Variants in NCOA3 observed in about 807,000 individuals in gnomAD.
The protein encoded by NCOA3 is nuclear receptor coactivator 3.
A neutral mutation model predicts 158.8 loss-of-function variants in NCOA3; 51 were observed. That is an observed-to-expected ratio of 0.32 (90% confidence interval 0.26 to 0.41). The LOEUF (loss-of-function observed/expected upper bound fraction) is 0.41. NCOA3 is among the 10% of genes least tolerant of loss of function. The pLI, the probability that NCOA3 is intolerant of heterozygous loss-of-function variation, is 1.00. For missense variants in NCOA3, 1,510 were observed against 1,746.6 expected, an observed-to-expected ratio of 0.86 and a Z score of 2.41; for synonymous variants, 537 against 592.4, an observed-to-expected ratio of 0.91 and a Z score of 1.36.
At chr20:47,601,228 C>T (rs1490755432) in intron 2 of NCOA3, among the ~76,000 whole-genome samples, 1 of 152,194 alleles carries the variant, frequency 6.6e-6, no homozygotes, top group Non-Finnish European at 1.5e-5. Context: ...CACTTTGTAA[C>T]AACCCACTCT....
At chr20:47,531,829 C>T (rs2084552029) in intron 1 of NCOA3, among the ~76,000 whole-genome samples, 1 of 148,560 alleles carries the variant, frequency 6.7e-6, no homozygotes, top group Non-Finnish European at 1.5e-5. Flanking sequence ...TTTCTGGTTT[C>T]TCACTGTTAA....
chr20:47,558,476 A>G (rs186857329), intron 1 of NCOA3, among the ~76,000 whole-genome samples: 8 of 152,094 alleles, frequency 5.3e-5, no homozygotes, highest in Admixed American at 2.0e-4. Context: ...TTCTGTCTCT[A>G]AATATAGTCA....
intron 16 of NCOA3, among the ~76,000 whole-genome samples, chr20:47,640,795 G>A (rs1194632220): frequency 6.6e-6 from 1 of 151,914 alleles, no homozygotes; most frequent in African/African-American, 2.4e-5. Flanking sequence ...GGCTGAGGAA[G>A]GAGAATGGCG....
chr20:47,633,548 C>A lies in NCOA3; in HGVS notation c.876C>A (p.Gly292=). The A allele has an allele frequency of 6.2e-7, 1 of 1,613,452 alleles. No individual in the cohort carries two copies. The highest frequency in any genetic ancestry group is 8.5e-7 in the Non-Finnish European group (1 of 1,179,472). ...TNSLRSSMRP[G]FEDIIRRCIQ... is the part of the protein sequence containing the mutation. ...CACTGAGATCCTCCATGAGGCCTGGCTTTGAAGATATAATCCGAAGGTGTA... is the reference window on the plus strand; with the variant it reads ...CACTGAGATCCTCCATGAGGCCTGGATTTGAAGATATAATCCGAAGGTGTA... The change falls in exon 9 of 23, where the codon GGC becomes GGA. Residue 292 remains glycine, a synonymous_variant. Coordinates refer to ENST00000371998, the MANE Select transcript of NCOA3 (RefSeq NM_181659.3).
At position 47,653,722 on chromosome 20, in the gene NCOA3, T is replaced by C. The variant is rs1418442698; in HGVS notation, c.*305T>C. ...ATGGAGTGTTACTGATCATAAAACTTTTGTGTCACTTTTTTCTGCCTTGCT... is the reference window on the plus strand; with the variant it reads ...ATGGAGTGTTACTGATCATAAAACTCTTGTGTCACTTTTTTCTGCCTTGCT... On this transcript the variant is annotated 3_prime_UTR_variant, in exon 23 of 23. Transcript: ENST00000371998. 1.0e-5 allele frequency: 4 copies of C among 386,702 alleles called. No individual in the cohort carries two copies. Among genetic ancestry groups the C allele is most frequent in the Non-Finnish European group, 1.8e-5 (4 of 217,942 alleles). 24.0% of individuals were successfully genotyped at this position (386,702 alleles called of 1,614,324 possible).
At chr20:47,633,785 C>A in intron 9 of NCOA3, 149 bp downstream of exon 9, 1 of 922,346 alleles carries the variant, frequency 1.1e-6, no homozygotes, top group Non-Finnish European at 1.6e-6. Context: ...TGCACACCAC[C>A]ATACCTGGTT....
At chr20:47,640,819 C>T (rs913953120) in intron 16 of NCOA3, among the ~76,000 whole-genome samples, 2 of 151,040 alleles carry the variant, frequency 1.3e-5, no homozygotes, top group East Asian at 1.9e-4. Context: ...ACCCGGGTGG[C>T]GGAGCTTGCA....
intron 1 of NCOA3, among the ~76,000 whole-genome samples, chr20:47,514,354 G>GA (rs1212443086): frequency 1.3e-5 from 2 of 151,708 alleles, no homozygotes; most frequent in Non-Finnish European, 2.9e-5. Flanking sequence ...TTTTATAACT[G>GA]AAAAAACAGT....
At chr20:47,513,424 G>C (rs529369010) in intron 1 of NCOA3, among the ~76,000 whole-genome samples, 16 of 152,074 alleles carry the variant, frequency 1.1e-4, no homozygotes, top group African/African-American at 3.1e-4. Flanking sequence ...GTAATTATTA[G>C]AAATTTCTAA....
chr20:47,623,557 G>T (rs1333178400), intron 3 of NCOA3, among the ~76,000 whole-genome samples: 1 of 152,046 alleles, frequency 6.6e-6, no homozygotes, highest in African/African-American at 2.4e-5. Flanking sequence ...GGAGGCCAGG[G>T]TGGGTGGATT....
At position 47,551,888 on chromosome 20, in the gene NCOA3, AT is replaced by A. The variant is rs2084932095; in HGVS notation, c.-98-31289del. On this transcript the variant is annotated intron_variant, in intron 1 of 22. Coordinates refer to ENST00000371998, the MANE Select transcript of NCOA3 (RefSeq NM_181659.3). ...CTAAAATAGAAAGGTTAATGTAAAC[AT>A]TTTTTAAAAGTAAATTGTTAGGTTT... Among the ~76,000 whole-genome samples the A allele has an allele frequency of 3.3e-5, 5 of 152,372 alleles. No homozygotes were observed. The South Asian group carries it at 1.0e-3, about 32-fold the overall frequency.
In NCOA3 at chr20:47,653,083, G is replaced by A. The variant is rs137909405; in HGVS notation, c.4263+11G>A. The A allele has an allele frequency of 3.4e-4, 553 of 1,613,530 alleles. 2 individuals carry two copies. In the African/African-American group the frequency reaches 6.6e-3, roughly 19 times the overall value. ...ATGGGTCCTGATCAGGTATGGGATC[G>A]ATTCCTTACCTTTTTCAAAAAGTTT... On this transcript the variant is annotated intron_variant, in intron 22 of 22. Transcript: ENST00000371998.
At position 47,647,386 on chromosome 20, in the gene NCOA3, T is replaced by C. The variant is rs768043213; in HGVS notation, c.3546+20T>C. ...CAGCAGGTAACCAGTCATGTGTTCT[T>C]CCCTCTGGCTTCTCCTTCTGTTGTT... On this transcript the variant is annotated intron_variant, in intron 18 of 22. Coordinates refer to ENST00000371998, the MANE Select transcript of NCOA3 (RefSeq NM_181659.3). 4.4e-6 allele frequency: 7 copies of C among 1,604,996 alleles called. No homozygotes were observed. Among genetic ancestry groups the C allele is most frequent in the Middle Eastern group, 1.7e-4 (1 of 6,006 alleles).
At chr20:47,594,273 T>C (rs554300368) in intron 2 of NCOA3, among the ~76,000 whole-genome samples, 183 of 152,314 alleles carry the variant, frequency 1.2e-3, no homozygotes, top group African/African-American at 4.1e-3. Context: ...TAATTTTCTA[T>C]GATTGACGGA....
At position 47,523,660 on chromosome 20, in the gene NCOA3, CTACTT is replaced by C. The variant is rs540644001; in HGVS notation, c.-99+21646_-99+21650del. 8.5e-5 allele frequency among the ~76,000 whole-genome samples: 13 copies of C among 152,294 alleles called. No individual in the cohort carries two copies. The South Asian group carries it at 2.7e-3, about 32-fold the overall frequency. On this transcript the variant is annotated intron_variant, in intron 1 of 22. Transcript: ENST00000371998. ...TTTTTAAGTACCTGTAGATTTTCCT[CTACTT>C]TACTAGAGGTGTTAATCCCAAAGCA...
intron 1 of NCOA3, among the ~76,000 whole-genome samples, chr20:47,512,738 AGACT>A (rs925919629): frequency 6.6e-6 from 1 of 152,232 alleles, no homozygotes; most frequent in African/African-American, 2.4e-5. Context: ...AACATTAAAA[AGACT>A]GACCATACCG....
chr20:47,596,885 A>G (rs955499565), intron 2 of NCOA3, among the ~76,000 whole-genome samples: 3 of 152,200 alleles, frequency 2.0e-5, no homozygotes, highest in Admixed American at 2.0e-4. Context: ...GCACCATACT[A>G]AGCCAAAAGT....
At chr20:47,562,906 A>G (rs901555477) in intron 1 of NCOA3, among the ~76,000 whole-genome samples, 6 of 152,212 alleles carry the variant, frequency 3.9e-5, no homozygotes, top group African/African-American at 1.4e-4. Flanking sequence ...TTTTATGATT[A>G]TTAAAAGTAA....
chr20:47,580,286 C>G (rs1265464639), intron 1 of NCOA3, among the ~76,000 whole-genome samples: 1 of 151,968 alleles, frequency 6.6e-6, no homozygotes, highest in Non-Finnish European at 1.5e-5. Context: ...CTTTCCTGGC[C>G]GGGCACGGTG....
Sources: allele counts gnomAD v4.1 joint callset (sites outside exome capture counted in the v4.1 genomes callset), GRCh38; gene constraint gnomAD v4.1.1; transcripts MANE v1.5; gene names NCBI Gene and HGNC (gene_info 2026-07-23, HGNC 2026-07-21).